Variants in CSMD2 observed in about 807,000 individuals in gnomAD.
The protein encoded by CSMD2 is CUB and sushi domain-containing protein 2.
Under a neutral mutation model 398.5 loss-of-function variants are expected in CSMD2, and 130 were observed. The ratio of observed to expected loss-of-function variants is 0.33; its 90% CI spans 0.28 to 0.38. The LOEUF (loss-of-function observed/expected upper bound fraction) is 0.38, where lower values mean the gene tolerates loss of function less well. CSMD2 is among the 10% of genes least tolerant of loss of function. CSMD2 has a pLI of 1.00. For missense variants in CSMD2, 3,829 were observed against 4,764.9 expected (o/e 0.80, Z 5.78); for synonymous variants, 1,828 against 1,908.5 (o/e 0.96, Z 1.10).
At chr1:33,534,348 G>C (rs1173843156) in intron 62 of CSMD2, among the ~76,000 whole-genome samples, 1 of 152,218 alleles carries the variant, frequency 6.6e-6, no homozygotes, top group Non-Finnish European at 1.5e-5. Context: ...ATGTGAAGAA[G>C]AGTGCAAATT....
At chr1:33,826,285 A>G (rs188843796) in intron 6 of CSMD2, among the ~76,000 whole-genome samples, 342 of 151,806 alleles carry the variant, frequency 2.3e-3, no homozygotes, top group Non-Finnish European at 3.9e-3. Context: ...AGCTCCCTCC[A>G]TTACAGAGGT....
intron 12 of CSMD2, among the ~76,000 whole-genome samples, chr1:33,774,035 C>T (rs1482283004): frequency 6.6e-6 from 1 of 151,866 alleles, no homozygotes; most frequent in Admixed American, 6.6e-5. Context: ...CTGTTGCATT[C>T]ATGTTAACCC....
At chr1:33,645,757 C>T (rs1643391171) in intron 29 of CSMD2, among the ~76,000 whole-genome samples, 1 of 152,168 alleles carries the variant, frequency 6.6e-6, no homozygotes, top group Non-Finnish European at 1.5e-5. Flanking sequence ...TTCCTACCAT[C>T]GTTTTATAAA....
rs368767784 is a variant in CSMD2, at chr1:33,582,075, G to A, written c.7241-1176C>T. Among the ~76,000 whole-genome samples, 25 of 152,262 alleles carry A rather than the reference G, an allele frequency of 1.6e-4. No homozygotes were observed. In the East Asian group the frequency reaches 4.1e-3, roughly 25 times the overall value. On this transcript the variant is annotated intron_variant, in intron 47 of 70. Coordinates refer to ENST00000373381, the MANE Select transcript of CSMD2 (RefSeq NM_001281956.2). ...GCTCCAGCCTTCCTGGAGCGGGTGA[G>A]CACCAGCATTGCTGAAAACCTGAGT...
At chr1:34,134,539 T>G (rs1265625104) in intron 1 of CSMD2, among the ~76,000 whole-genome samples, 1 of 152,176 alleles carries the variant, frequency 6.6e-6, no homozygotes, top group East Asian at 1.9e-4. Flanking sequence ...TCTCTAAGTA[T>G]GACACAAAAC....
chr1:34,116,941 G>A (rs775495737), intron 1 of CSMD2, among the ~76,000 whole-genome samples: 4 of 152,058 alleles, frequency 2.6e-5, no homozygotes, highest in Non-Finnish European at 4.4e-5. Context: ...ATCTTGAGAC[G>A]AATGAAAATA....
chr1:33,599,968 TTC>T, intron 44 of CSMD2: 1 of 598,984 alleles, frequency 1.7e-6, no homozygotes, highest in Non-Finnish European at 3.0e-6. Flanking sequence ...GGAGGCTGGG[TTC>T]TGTTTCCAGT....
chr1:33,942,356 G>A (rs978253850), intron 3 of CSMD2, among the ~76,000 whole-genome samples: 1 of 152,228 alleles, frequency 6.6e-6, no homozygotes, highest in African/African-American at 2.4e-5. Context: ...ATTCTCCTGA[G>A]GGAGAGGATT....
At chr1:33,575,908 C>T (rs892873511) in intron 49 of CSMD2, among the ~76,000 whole-genome samples, 4 of 152,180 alleles carry the variant, frequency 2.6e-5, no homozygotes, top group African/African-American at 9.7e-5. Flanking sequence ...TTCACCACTA[C>T]TGGGAACCAA....
intron 15 of CSMD2, among the ~76,000 whole-genome samples, chr1:33,727,300 A>C (rs1646567326): frequency 6.6e-6 from 1 of 152,222 alleles, no homozygotes; most frequent in African/African-American, 2.4e-5. Context: ...TCCACAGGAC[A>C]CTGGGAGGCC....
chr1:33,633,791 G>A lies in CSMD2; in HGVS notation c.5087-256C>T, dbSNP rs1032785185. Among the ~76,000 whole-genome samples, 1 of 152,198 alleles carries A rather than the reference G, an allele frequency of 6.6e-6. No individual in the cohort carries two copies. Among genetic ancestry groups the A allele is most frequent in the Non-Finnish European group, 1.5e-5 (1 of 68,022 alleles). On this transcript the variant is annotated intron_variant, in intron 31 of 70. Coordinates refer to ENST00000373381, the MANE Select transcript of CSMD2 (RefSeq NM_001281956.2). The surrounding 1 kb of genome is among the most constrained non-coding windows in gnomAD (Gnocchi z 5.0). ...GACAACATGGAGGGCTGCACCCAAA[G>A]GTCAGGCGGGTAGAGGCGAAATGGA...
chr1:33,666,943 G>A (rs150431896), intron 25 of CSMD2, among the ~76,000 whole-genome samples: 1 of 152,270 alleles, frequency 6.6e-6, no homozygotes, highest in African/African-American at 2.4e-5. Flanking sequence ...TGAAGTTTAG[G>A]TGGCGTGAAA....
intron 13 of CSMD2, among the ~76,000 whole-genome samples, chr1:33,754,168 C>T (rs1316748639): frequency 6.6e-6 from 1 of 152,182 alleles, no homozygotes; most frequent in Non-Finnish European, 1.5e-5. Context: ...CCGAATAGCA[C>T]ATTGAAATGT....
In CSMD2 at chr1:34,060,866, G is replaced by T. The variant is rs113287621; in HGVS notation, c.404+28111C>A. On this transcript the variant is annotated intron_variant, in intron 2 of 70. Coordinates refer to ENST00000373381, the MANE Select transcript of CSMD2 (RefSeq NM_001281956.2). ...CCCCTCTCAGCCAGGCCTCATCTTCGTGGTCCCTGTTCCTCCCCTAGCCAT... is the reference window on the plus strand; with the variant it reads ...CCCCTCTCAGCCAGGCCTCATCTTCTTGGTCCCTGTTCCTCCCCTAGCCAT... Among the ~76,000 whole-genome samples the T allele has an allele frequency of 6.6e-3, 1,010 of 152,118 alleles. 9 individuals are homozygous for T. The highest frequency in any genetic ancestry group is 9.3e-3 in the Non-Finnish European group (632 of 68,004).
chr1:33,599,186 T>C (rs1640044020), intron 44 of CSMD2: 1 of 152,228 alleles, frequency 6.6e-6, no homozygotes, highest in African/African-American at 2.4e-5. Flanking sequence ...ATTGTGCCCT[T>C]AGGCAAGCAC....
Position 33,617,483 on chromosome 1 carries a change from G to A in CSMD2, c.5946+16C>T, listed in dbSNP as rs1236474110. On this transcript the variant is annotated intron_variant, in intron 38 of 70. Transcript: ENST00000373381. ...GGGGACACCTGTTTCCTGCTCTAGG[G>A]TGTCAGGGGAGGTACCTGGAGGGCA... The A allele has an allele frequency of 1.9e-6, 3 of 1,580,192 alleles. No individual in the cohort carries two copies. Among genetic ancestry groups the A allele is most frequent in the South Asian group, 1.1e-5 (1 of 90,464 alleles).
intron 1 of CSMD2, among the ~76,000 whole-genome samples, chr1:34,156,588 C>T (rs1304175634): frequency 6.6e-6 from 1 of 152,100 alleles, no homozygotes; most frequent in African/African-American, 2.4e-5. Flanking sequence ...AAGATGGACA[C>T]ATAATTTTTT....
Position 33,625,168 on chromosome 1 carries a change from C to T in CSMD2, c.5383G>A (p.Ala1795Thr), listed in dbSNP as rs1262978396. The part of the protein sequence containing the change: ...KRLGSDFSVG[A>T]IVRFECNSGY... ...GAGTTGCATTCGAAGCGGACGATGG[C>T]CCCCACCGAGAAGTCACTGCCCAGC... The change falls in exon 34 of 71, where the codon GCC (alanine) becomes ACC (threonine). Residue 1795 changes from alanine (A) to threonine (T), a missense_variant. By Grantham distance (58) the Ala-to-Thr change is moderately conservative. Coordinates refer to ENST00000373381, the MANE Select transcript of CSMD2 (RefSeq NM_001281956.2). 4 of 1,607,200 alleles carry T rather than the reference C, an allele frequency of 2.5e-6. No individual in the cohort carries two copies. Among genetic ancestry groups the T allele is most frequent in the South Asian group, 2.2e-5 (2 of 90,806 alleles).
chr1:34,125,507 CTGTGTGTG>C (rs35436778), intron 1 of CSMD2, among the ~76,000 whole-genome samples: 312 of 141,184 alleles, frequency 2.2e-3, no homozygotes, highest in African/African-American at 5.4e-3. Context: ...TCAACCTTGG[CTGTGTGTG>C]TGTGTGTGTG....
Sources: gnomAD v4.1 joint callset for allele counts (sites outside exome capture counted in the v4.1 genomes callset) on GRCh38, gnomAD v4.1.1 for gene constraint, Gnocchi (gnomAD v3.1) non-coding constraint, MANE v1.5 for transcripts, NCBI Gene and HGNC (gene_info 2026-07-23, HGNC 2026-07-21) for gene names.